BOP1: variants seen among roughly 807,000 people sequenced by gnomAD.
BOP1 encodes the protein ribosome biogenesis protein BOP1.
Under a neutral mutation model 82.9 loss-of-function variants are expected in BOP1, and 54 were observed. The observed-to-expected ratio is 0.65, with a 90% CI of 0.52 to 0.82. The LOEUF is 0.82. BOP1 is among the 40% of genes least tolerant of loss of function. The probability of loss-of-function intolerance (pLI) is 0.00; values close to 1 mark genes in which losing one functional copy is unlikely to be tolerated. For synonymous variants in BOP1, 566 were observed against 451.1 expected, an observed-to-expected ratio of 1.25 and a Z score of -3.23; for missense variants, 1,170 against 1,072.0, an observed-to-expected ratio of 1.09 and a Z score of -1.28.
rs1845226618 is a variant in BOP1 at position 144,262,487 on chromosome 8, G to C, written c.1996C>G (p.Leu666Val). 2 of 1,612,588 alleles carry C rather than the reference G, an allele frequency of 1.2e-6. No homozygotes were observed. Among genetic ancestry groups the C allele is most frequent in the Non-Finnish European group, 1.7e-6 (2 of 1,179,778 alleles). ...CGCGGGTGGAAGGCCACAGCCCGCA[G>C]AGCCTTCTTGTGGTGTCTGGGGGGA... ...YRMLRHHKKA[L>V]RAVAFHPRYP... is the part of the protein sequence containing the mutation. The change falls in exon 15 of 16, where the codon CTG becomes GTG. Residue 666 changes from leucine (L) to valine (V), a missense_variant. By Grantham distance (32) the Leu-to-Val change is conservative. Coordinates refer to ENST00000569669, the MANE Select transcript of BOP1 (RefSeq NM_015201.5).
In BOP1 at chr8:144,291,211, G is replaced by A; in HGVS notation, c.99+61C>T. ...AAGCCGGGCCCACCCGCCCCAGCGC[G>A]GCCACGTGCCCGCCGGGCCCTCTAG... On this transcript the variant is annotated intron_variant, in intron 1 of 15. Coordinates refer to ENST00000569669, the MANE Select transcript of BOP1 (RefSeq NM_015201.5). The surrounding 1 kb of genome is among the most constrained non-coding windows in gnomAD (Gnocchi z 4.1). 7.5e-7 allele frequency: 1 copy of A among 1,334,340 alleles called. No individual in the cohort carries two copies. Among genetic ancestry groups the A allele is most frequent in the Non-Finnish European group, 9.6e-7 (1 of 1,042,784 alleles). 82.7% of individuals were successfully genotyped at this position (1,334,340 alleles called of 1,614,324 possible).
intron 2 of BOP1, among the ~76,000 whole-genome samples, chr8:144,280,191 C>G (rs1554838748): frequency 6.6e-6 from 1 of 152,228 alleles, no homozygotes; most frequent in African/African-American, 2.4e-5. Flanking sequence ...TGGCAGTCTT[C>G]AAAAGAACCC....
At chr8:144,276,081 C>T (rs1384799293) in intron 3 of BOP1, 143 bp downstream of exon 3, 14 of 923,738 alleles carry the variant, frequency 1.5e-5, no homozygotes, top group South Asian at 5.4e-5. Flanking sequence ...AGGACGCCCA[C>T]GTGGGCCTCG....
intron 2 of BOP1, among the ~76,000 whole-genome samples, chr8:144,280,117 A>C (rs782027819): frequency 5.9e-5 from 9 of 152,168 alleles, no homozygotes; most frequent in Non-Finnish European, 1.2e-4. Flanking sequence ...TGATGCTGCA[A>C]AGTGTCAGGG....
At chr8:144,271,721 C>T (rs1219330665) in intron 3 of BOP1, among the ~76,000 whole-genome samples, 2 of 152,072 alleles carry the variant, frequency 1.3e-5, no homozygotes, top group Non-Finnish European at 2.9e-5. Context: ...TTAGTCTCCT[C>T]CTCCTCAAAG....
intron 2 of BOP1, among the ~76,000 whole-genome samples, chr8:144,287,747 A>C (rs1366090887): frequency 6.6e-6 from 1 of 151,970 alleles, no homozygotes; most frequent in Non-Finnish European, 1.5e-5. Flanking sequence ...ACAGCACATC[A>C]TTTTTTCTCT....
chr8:144,284,807 G>T (rs1156735711), intron 2 of BOP1, among the ~76,000 whole-genome samples: 1 of 152,226 alleles, frequency 6.6e-6, no homozygotes, highest in African/African-American at 2.4e-5. Context: ...TCGTGTGCAT[G>T]TCAATGCTAA....
chr8:144,284,661 G>A (rs1194181674), intron 2 of BOP1, among the ~76,000 whole-genome samples: 4 of 152,208 alleles, frequency 2.6e-5, no homozygotes, highest in African/African-American at 9.7e-5. Flanking sequence ...CAGGAGCCAG[G>A]AGGGAAGGGT....
rs1845233033 is a variant in BOP1, at chr8:144,262,583, C to T, written c.1979+5G>A. On this transcript the variant is annotated splice_donor_5th_base_variant and intron_variant, in intron 14 of 15. Transcript: ENST00000569669. ...CTGGCCGCCTCCACCCCCAGCTTTC[C>T]TCACCTCAGCATCCTGTATGGCTTG... is the stretch of plus-strand genomic sequence containing the variant. 6.2e-7 allele frequency: 1 copy of T among 1,613,446 alleles called. No individual in the cohort carries two copies. Among genetic ancestry groups the T allele is most frequent in the African/African-American group, 1.3e-5 (1 of 75,002 alleles).
At chr8:144,262,814 C>G (rs782150362) in intron 13 of BOP1, 39 bp downstream of exon 13, 26 of 809,602 alleles carry the variant, frequency 3.2e-5, no homozygotes, top group Non-Finnish European at 4.1e-5. Flanking sequence ...CCCCCCCCCC[C>G]ACCCCTCACC....
chr8:144,280,728 C>CT (rs782676960), intron 2 of BOP1, among the ~76,000 whole-genome samples: 2 of 152,164 alleles, frequency 1.3e-5, no homozygotes, highest in Non-Finnish European at 1.5e-5. Flanking sequence ...TGGCGCTCAC[C>CT]TGTAATCACA....
At chr8:144,268,874 G>A (rs1234568373) in intron 3 of BOP1, among the ~76,000 whole-genome samples, 7 of 152,176 alleles carry the variant, frequency 4.6e-5, no homozygotes, top group African/African-American at 1.4e-4. Context: ...TCGGGCACCC[G>A]GGGGCCCTGA....
intron 3 of BOP1, among the ~76,000 whole-genome samples, chr8:144,274,802 G>A (rs1389087094): frequency 5.9e-5 from 9 of 152,136 alleles, no homozygotes; most frequent in Admixed American, 1.3e-4. Flanking sequence ...AGGCCCCGCC[G>A]AGGCCCCTCC....
At chr8:144,267,094 C>T in intron 3 of BOP1, 1 of 1,397,924 alleles carries the variant, frequency 7.2e-7, no homozygotes, top group African/African-American at 1.5e-5. Context: ...CCCCCCGCCG[C>T]CGCCCCCGCC....
At position 144,263,996 on chromosome 8, in the gene BOP1, C is replaced by T; in HGVS notation, c.1125G>A (p.Arg375=). ...CCCCACACACCCTCATCTTGCGCTGCCGTGGGCACAGGTACAGGTCAAGGC... is the reference window on the plus strand; with the variant it reads ...CCCCACACACCCTCATCTTGCGCTGTCGTGGGCACAGGTACAGGTCAAGGC... ...ERCLDLYLCP[R]QRKMRVNVDP... The change falls in exon 8 of 16, where the codon CGG becomes CGA. Residue 375 remains arginine (R), a synonymous_variant. Transcript: ENST00000569669. 6.2e-7 allele frequency: 1 copy of T among 1,609,494 alleles called. No homozygotes were observed. The highest frequency in any genetic ancestry group is 8.5e-7 in the Non-Finnish European group (1 of 1,179,774).
Position 144,289,181 on chromosome 8 carries a change from C to A in BOP1, c.223G>T (p.Asp75Tyr). ...DSGSDSSEDD[D>Y]EGDEEGEDGA... ...TCCTCTCCCTCCTCGTCGCCTTCGT[C>A]ATCATCCTCACTGCTGTCACTGCCG... The change falls in exon 2 of 16, where the codon GAC (aspartate) becomes TAC (tyrosine). Residue 75 changes from aspartate to tyrosine, a missense_variant. Physicochemically the swap from Asp to Tyr is radical, Grantham distance 160. Coordinates refer to ENST00000569669, the MANE Select transcript of BOP1 (RefSeq NM_015201.5). The A allele has an allele frequency of 1.2e-6, 2 of 1,614,240 alleles. No individual in the cohort carries two copies. Among genetic ancestry groups the A allele is most frequent in the Non-Finnish European group, 1.7e-6 (2 of 1,180,044 alleles).
chr8:144,262,343 C>T lies in BOP1; in HGVS notation c.2088-26G>A. On this transcript the variant is annotated intron_variant, in intron 15 of 15. Coordinates refer to ENST00000569669, the MANE Select transcript of BOP1 (RefSeq NM_015201.5). The stretch of plus-strand genomic sequence containing the variant: ...CTGTGGGGACGAGGAGGGCTCAGGG[C>T]ACGGCCAGACACCACTGCCCTGGGG... 2.5e-6 allele frequency: 4 copies of T among 1,612,700 alleles called. No homozygotes were observed. The South Asian group carries it at 3.3e-5, about 13-fold the overall frequency.
intron 2 of BOP1, among the ~76,000 whole-genome samples, chr8:144,280,680 T>C (rs1416370405): frequency 6.6e-6 from 1 of 152,164 alleles, no homozygotes; most frequent in Non-Finnish European, 1.5e-5. Context: ...TGGAAAACCC[T>C]GTCTCTACTA....
chr8:144,276,679 G>T (rs1845571867), intron 2 of BOP1, among the ~76,000 whole-genome samples: 1 of 152,218 alleles, frequency 6.6e-6, no homozygotes, highest in Non-Finnish European at 1.5e-5. Context: ...AAAGCCACAG[G>T]ACTCCTCCCA....
Sources: gnomAD v4.1 joint callset for allele counts (sites outside exome capture counted in the v4.1 genomes callset) on GRCh38, gnomAD v4.1.1 for gene constraint, Gnocchi (gnomAD v3.1) non-coding constraint, MANE v1.5 for transcripts, NCBI Gene and HGNC (gene_info 2026-07-23, HGNC 2026-07-21) for gene names.